The following SP1 variants were observed in gnomAD, a reference collection of about 807,000 sequenced individuals.
The protein encoded by SP1 is Sp1 transcription factor, also known as transcription factor Sp1.
Under a neutral mutation model 66.3 loss-of-function variants are expected in SP1, and 6 were observed. The ratio of observed to expected loss-of-function variants is 0.09; its 90% CI spans 0.05 to 0.18. The LOEUF (loss-of-function observed/expected upper bound fraction) is 0.18, where lower values mean the gene tolerates loss of function less well. Ranked by LOEUF, SP1 falls within the 10% of genes least tolerant of loss-of-function variation. SP1 has a pLI of 1.00. For synonymous variants in SP1, 417 were observed against 360.8 expected (o/e 1.16, Z -1.77); for missense variants, 848 against 964.5 (o/e 0.88, Z 1.60).
rs533638488 is a variant in SP1, at chr12:53,385,605, A to T, written c.1675+1983A>T. On this transcript the variant is annotated intron_variant, in intron 3 of 5. Transcript: ENST00000327443. ...GCGAGACTCCGTCTCAAAAAAAAAA[A>T]AAATAAATAAAAATAAATTTGATTA... Among the ~76,000 whole-genome samples, 648 of 145,330 alleles carry T rather than the reference A, an allele frequency of 4.5e-3. 2 individuals carry two copies. Among genetic ancestry groups the T allele is most frequent in the African/African-American group, 0.01 (398 of 39,224 alleles).
chr12:53,397,708 C>T (rs1242608842), intron 3 of SP1, among the ~76,000 whole-genome samples: 5 of 151,650 alleles, frequency 3.3e-5, no homozygotes, highest in African/African-American at 9.7e-5. Context: ...CGCCTGCCAC[C>T]GTGCCCAGAT....
intron 3 of SP1, among the ~76,000 whole-genome samples, chr12:53,403,695 C>T (rs1938663388): frequency 6.6e-6 from 1 of 151,982 alleles, no homozygotes. Context: ...AACTTGTTTA[C>T]AAGATGCTGT....
At chr12:53,390,528 A>G (rs1386900552) in intron 3 of SP1, among the ~76,000 whole-genome samples, 5 of 152,096 alleles carry the variant, frequency 3.3e-5, no homozygotes, top group Non-Finnish European at 7.3e-5. Flanking sequence ...ACTAAAATAC[A>G]AAAAATCAGC....
chr12:53,405,219 T>A (rs1468431251), intron 3 of SP1, among the ~76,000 whole-genome samples: 1 of 152,120 alleles, frequency 6.6e-6, no homozygotes, highest in Non-Finnish European at 1.5e-5. Flanking sequence ...TCTCAAGCAG[T>A]TCTCCTGCCT....
intron 3 of SP1, among the ~76,000 whole-genome samples, chr12:53,400,287 C>T (rs1565814442): frequency 6.6e-6 from 1 of 152,158 alleles, no homozygotes; most frequent in Non-Finnish European, 1.5e-5. Flanking sequence ...TAATGACTGG[C>T]TTCTTTCAAT....
rs1415085368 is a variant in SP1 at position 53,381,801 on chromosome 12, A to C, written c.150A>C (p.Gly50=). The stretch of plus-strand genomic sequence containing the variant: ...GCACAGGCAGTAGCAGCAGCACTGG[A>C]GGAGGAGGGCAGGTAAGTGATAATC... The part of the protein sequence containing the change: ...SSSTGSSSST[G]GGGQESQPSP... Residue 50 remains glycine, a synonymous_variant, in exon 2 of 6, where the codon GGA becomes GGC. Transcript: ENST00000327443. 1 of 1,613,184 alleles carries C rather than the reference A, an allele frequency of 6.2e-7. No homozygotes were observed. The highest frequency in any genetic ancestry group is 8.5e-7 in the Non-Finnish European group (1 of 1,179,710).
In SP1 at chr12:53,380,186, C is replaced by T. The variant is rs1337104611; in HGVS notation, c.-106C>T. The T allele has an allele frequency of 2.7e-5, 21 of 777,172 alleles. No individual in the cohort carries two copies. The Admixed American group carries it at 3.2e-4, about 12-fold the overall frequency. The allele number at this position is 777,172 out of a possible 1,614,324, so 48.1% of individuals were successfully genotyped here. A position where few individuals can be genotyped will look rare whatever the true frequency, so the allele number is the denominator to read the frequency against. The stretch of plus-strand genomic sequence containing the variant: ...TGCTCCCTCCTCCTTACCCCCCCCT[C>T]CCTGTCCGGTCCGGGTTCGCTTGCC... On this transcript the variant is annotated 5_prime_UTR_variant, in exon 1 of 6. Transcript: ENST00000327443.
At chr12:53,380,467 G>A (rs937234276) in intron 1 of SP1, among the ~76,000 whole-genome samples, 169 bp downstream of exon 1, 1 of 151,266 alleles carries the variant, frequency 6.6e-6, no homozygotes, top group South Asian at 2.1e-4. Flanking sequence ...GGGCAGTGGC[G>A]GGGCCTCCGA....
intron 3 of SP1, among the ~76,000 whole-genome samples, chr12:53,396,132 T>C (rs1938483706): frequency 6.9e-6 from 1 of 144,194 alleles, no homozygotes; most frequent in Non-Finnish European, 1.5e-5. Context: ...AAAAAAAAAA[T>C]TAGCCGGGTG....
intron 3 of SP1, among the ~76,000 whole-genome samples, chr12:53,395,518 A>G (rs1938468796): frequency 6.6e-6 from 1 of 152,226 alleles, no homozygotes; most frequent in South Asian, 2.1e-4. Context: ...CAGTATACTT[A>G]GTAATAAATT....
In SP1 at chr12:53,411,499, TTTC is replaced by T. The variant is rs1938885136; in HGVS notation, c.*265_*267del. ...TTGATGAGCATTTGTTTGACCCCAG[TTTC>T]TTCTTACACTTCTTACCCCAGCCTA... On this transcript the variant is annotated 3_prime_UTR_variant, in exon 6 of 6. Coordinates refer to ENST00000327443, the MANE Select transcript of SP1 (RefSeq NM_138473.3). 2.6e-6 allele frequency: 1 copy of T among 387,634 alleles called. No homozygotes were observed. Among genetic ancestry groups the T allele is most frequent in the Non-Finnish European group, 4.6e-6 (1 of 216,910 alleles). 24.0% of individuals were successfully genotyped at this position (387,634 alleles called of 1,614,324 possible).
At chr12:53,394,893 T>A (rs940949338) in intron 3 of SP1, among the ~76,000 whole-genome samples, 2 of 151,886 alleles carry the variant, frequency 1.3e-5, no homozygotes, top group African/African-American at 4.8e-5. Context: ...GGATTACAGA[T>A]GTGAGCCACC....
At position 53,406,583 on chromosome 12, in the gene SP1, A is replaced by C; in HGVS notation, c.1676-2A>C. 1 of 1,613,420 alleles carries C rather than the reference A, an allele frequency of 6.2e-7. No individual in the cohort carries two copies. Among genetic ancestry groups the C allele is most frequent in the Non-Finnish European group, 8.5e-7 (1 of 1,179,526 alleles). On this transcript the variant is annotated splice_acceptor_variant, in intron 3 of 5. Transcript: ENST00000327443. LOFTEE classifies it high-confidence loss of function. ...GTTGACCCTTTTCTCTCTTAATTTCAGGTGATCATGGAGCTCAGCTTGGTC... is the reference window on the plus strand; with the variant it reads ...GTTGACCCTTTTCTCTCTTAATTTCCGGTGATCATGGAGCTCAGCTTGGTC...
At chr12:53,386,572 A>G (rs778083708) in intron 3 of SP1, among the ~76,000 whole-genome samples, 1 of 143,630 alleles carries the variant, frequency 7.0e-6, no homozygotes, top group Non-Finnish European at 1.5e-5. Context: ...GCTCACTGCA[A>G]CCTCCCCTTC....
At chr12:53,399,458 A>T (rs1938560342) in intron 3 of SP1, among the ~76,000 whole-genome samples, 1 of 149,756 alleles carries the variant, frequency 6.7e-6, no homozygotes, top group South Asian at 2.1e-4. Context: ...CAGCCTTGAG[A>T]GTAGCTGGGG....
intron 4 of SP1, among the ~76,000 whole-genome samples, chr12:53,407,878 C>T (rs549942295): frequency 4.8e-5 from 7 of 146,718 alleles, no homozygotes; most frequent in Admixed American, 6.7e-5. Context: ...CCTTGTGATC[C>T]GCCTGCCTTG....
intron 3 of SP1, among the ~76,000 whole-genome samples, chr12:53,388,904 C>T (rs751885891): frequency 9.3e-5 from 14 of 150,440 alleles, no homozygotes; most frequent in East Asian, 2.0e-4. Context: ...TGCCTGAGCC[C>T]GGGAGGTTGA....
At position 53,380,211 on chromosome 12, in the gene SP1, C is replaced by G; in HGVS notation, c.-81C>G. On this transcript the variant is annotated 5_prime_UTR_variant, in exon 1 of 6. Transcript: ENST00000327443. ...CCCTGTCCGGTCCGGGTTCGCTTGC[C>G]TCGTCAGCGTCCGCGTTTTTCCCGG... is the stretch of plus-strand genomic sequence containing the variant. The G allele has an allele frequency of 9.1e-7, 1 of 1,099,182 alleles. No homozygotes were observed. Among genetic ancestry groups the G allele is most frequent in the South Asian group, 1.3e-5 (1 of 77,878 alleles). 68.1% of individuals were successfully genotyped at this position (1,099,182 alleles called of 1,614,324 possible).
At chr12:53,386,940 G>GT (rs34093285) in intron 3 of SP1, among the ~76,000 whole-genome samples, 15,585 of 123,136 alleles carry the variant, frequency 0.13, 3,149 homozygotes, top group African/African-American at 0.42. Context: ...TTCTAGGTTT[G>GT]TTTTTTTTTT....
Sources: gnomAD v4.1 joint callset for allele counts (sites outside exome capture counted in the v4.1 genomes callset) on GRCh38, gnomAD v4.1.1 for gene constraint, MANE v1.5 for transcripts, NCBI Gene and HGNC (gene_info 2026-07-23, HGNC 2026-07-21) for gene names.